Variants in ARHGAP40 observed in about 807,000 individuals in gnomAD.
The protein encoded by ARHGAP40 is rho GTPase-activating protein 40.
A neutral mutation model predicts 73.5 loss-of-function variants in ARHGAP40; 43 were observed. That is an observed-to-expected ratio of 0.58 (90% confidence interval 0.46 to 0.75). ARHGAP40 has a LOEUF of 0.75. Among genes scored for constraint, ARHGAP40 ranks in the 30% least tolerant of loss-of-function variants. The pLI is 0.00. For synonymous variants in ARHGAP40, 300 were observed against 352.8 expected (o/e 0.85, Z 1.68); for missense variants, 734 against 861.8 (o/e 0.85, Z 1.86).
chr20:38,606,495 A>G (rs1883784), intron 1 of ARHGAP40, among the ~76,000 whole-genome samples: 107,329 of 152,070 alleles, frequency 0.71, 39,707 homozygotes, highest in East Asian at 0.86. Context: ...ATTATTGTTC[A>G]TTTTTAGTCT....
chr20:38,627,389 GGT>G (rs750278323), intron 3 of ARHGAP40, among the ~76,000 whole-genome samples, 174 bp downstream of exon 3: 1 of 116,752 alleles, frequency 8.6e-6, no homozygotes. Flanking sequence ...TGTGTGTTGG[GGT>G]GTGTGTGTGT....
intron 1 of ARHGAP40, among the ~76,000 whole-genome samples, chr20:38,606,307 C>T (rs1471138751): frequency 6.6e-6 from 1 of 152,130 alleles, no homozygotes; most frequent in African/African-American, 2.4e-5. Context: ...TGTTCTTGGA[C>T]ATATATCTTT....
At chr20:38,629,675 G>A (rs150376883) in intron 5 of ARHGAP40, 25 bp downstream of exon 5, 30,654 of 1,303,554 alleles carry the variant, frequency 0.024, 391 homozygotes, top group Non-Finnish European at 0.027. Context: ...CACAGGGCTG[G>A]TTGGCTAGGT....
chr20:38,601,891 A>AATGCT lies in ARHGAP40; in HGVS notation c.-52_-51insATGCT. ...TCCCTCTCACATTGCCGATCGAGTC[A>AATGCT]GCCCCACGGCGGCAGCACCACGACC... On this transcript the variant is annotated 5_prime_UTR_variant, in exon 1 of 15. It adds an upstream start codon to the 5' untranslated region. Coordinates refer to ENST00000373345, the Ensembl canonical transcript of ARHGAP40. The AATGCT allele has an allele frequency of 7.8e-7, 1 of 1,286,432 alleles. No individual in the cohort carries two copies. Among genetic ancestry groups the AATGCT allele is most frequent in the East Asian group, 5.6e-5 (1 of 17,934 alleles). 79.7% of individuals were successfully genotyped at this position (1,286,432 alleles called of 1,614,324 possible).
At chr20:38,609,665 G>A (rs771720057) in intron 1 of ARHGAP40, among the ~76,000 whole-genome samples, 5 of 152,230 alleles carry the variant, frequency 3.3e-5, no homozygotes, top group Admixed American at 6.5e-5. Context: ...TGCCTGAGCT[G>A]AGTCCCAAAG....
At chr20:38,615,409 A>G in intron 1 of ARHGAP40, 1 of 727,546 alleles carries the variant, frequency 1.4e-6, no homozygotes, top group South Asian at 1.4e-5. Context: ...GCTCTTGTCC[A>G]GACTGAAGTT....
At chr20:38,621,661 A>G (rs2088874377) in intron 1 of ARHGAP40, among the ~76,000 whole-genome samples, 1 of 152,232 alleles carries the variant, frequency 6.6e-6, no homozygotes, top group Non-Finnish European at 1.5e-5. Flanking sequence ...GGTCGTAGCC[A>G]CAGGAGAATG....
At position 38,608,405 on chromosome 20, in the gene ARHGAP40, G is replaced by A. The variant is rs117090438; in HGVS notation, c.137+6326G>A. ...CTCTAGTTACTACTCTGTCCCCTCG[G>A]GCTGTTTGCCCCATCTTAAGAGGAC... is the stretch of plus-strand genomic sequence containing the variant. On this transcript the variant is annotated intron_variant, in intron 1 of 14. Transcript: ENST00000373345. Among the ~76,000 whole-genome samples, 796 of 152,158 alleles carry A rather than the reference G, an allele frequency of 5.2e-3. 3 individuals carry two copies. The highest frequency in any genetic ancestry group is 8.9e-3 in the Non-Finnish European group (603 of 68,016).
chr20:38,640,893 G>A (rs1255721077), intron 9 of ARHGAP40, among the ~76,000 whole-genome samples: 1 of 152,178 alleles, frequency 6.6e-6, no homozygotes, highest in African/African-American at 2.4e-5. Flanking sequence ...ATGATGCAAT[G>A]ATGCCCATCA....
intron 1 of ARHGAP40, 101 bp downstream of exon 1, chr20:38,602,180 C>A: frequency 8.5e-7 from 1 of 1,181,972 alleles, no homozygotes; most frequent in Non-Finnish European, 1.1e-6. Context: ...GAATCTTCCT[C>A]CATCGTACAG....
exon 15 of ARHGAP40, chr20:38,649,946 G>A (rs2089079063): frequency 1.1e-6 from 1 of 932,330 alleles, no homozygotes. Flanking sequence ...TTCCAGGGGA[G>A]GGTCTGAGTT....
intron 3 of ARHGAP40, among the ~76,000 whole-genome samples, chr20:38,627,461 G>T (rs1417206837): frequency 6.1e-4 from 90 of 148,602 alleles, no homozygotes; most frequent in Non-Finnish European, 1.2e-3. Context: ...GTGTTGGTGT[G>T]TGTGTTTTGG....
At chr20:38,623,582 A>C in intron 2 of ARHGAP40, 24 bp downstream of exon 2, 1 of 1,270,346 alleles carries the variant, frequency 7.9e-7, no homozygotes, top group Non-Finnish European at 1.0e-6. Flanking sequence ...GCGGGGGCCT[A>C]TAGGGGTGGT....
rs545609299 is a variant in ARHGAP40, at chr20:38,623,184, G to A, written c.138-175G>A. On this transcript the variant is annotated intron_variant, in intron 1 of 14. Transcript: ENST00000373345. ...AGCATTGCTGGTTTCCAAGGATCCCGCAGGGGTGATGGGTCACCAGTCAAT... is the reference window on the plus strand; with the variant it reads ...AGCATTGCTGGTTTCCAAGGATCCCACAGGGGTGATGGGTCACCAGTCAAT... Among the ~76,000 whole-genome samples, 7 of 152,288 alleles carry A rather than the reference G, an allele frequency of 4.6e-5. No individual in the cohort carries two copies. In the East Asian group the frequency reaches 5.8e-4, roughly 13 times the overall value.
intron 13 of ARHGAP40, among the ~76,000 whole-genome samples, chr20:38,647,939 C>T (rs1439595730): frequency 6.6e-6 from 1 of 152,228 alleles, no homozygotes; most frequent in African/African-American, 2.4e-5. Flanking sequence ...AGTAAAGGTC[C>T]TGCAGCAAGG....
Position 38,648,678 on chromosome 20 carries a change from AT to A in ARHGAP40, c.1917del (p.Tyr639Ter). The A allele has an allele frequency of 7.7e-7, 1 of 1,305,580 alleles. No homozygotes were observed. Among genetic ancestry groups the A allele is most frequent in the African/African-American group, 1.5e-5 (1 of 65,890 alleles). The allele number at this position is 1,305,580 out of a possible 1,614,324, so 80.9% of individuals were successfully genotyped here. On this transcript the variant is annotated frameshift_variant, in exon 14 of 15. Transcript: ENST00000373345. LOFTEE classifies it high-confidence loss of function. ...ATGGAGTCAGCCAACATCCTCCTCT[AT>A]GAAGTTGGAGGGAATATCAGTAAGT...
intron 5 of ARHGAP40, among the ~76,000 whole-genome samples, chr20:38,633,415 AG>A (rs1173658711): frequency 6.6e-6 from 1 of 152,234 alleles, no homozygotes; most frequent in Admixed American, 6.5e-5. Context: ...TAAACTAAAA[AG>A]TAGTAGTAAG....
chr20:38,615,632 G>A (rs1027978355), intron 1 of ARHGAP40, among the ~76,000 whole-genome samples: 1 of 152,166 alleles, frequency 6.6e-6, no homozygotes, highest in East Asian at 1.9e-4. Context: ...ACTCAGAACC[G>A]GATGTGTCTC....
intron 1 of ARHGAP40, among the ~76,000 whole-genome samples, chr20:38,602,689 T>C (rs564194236): frequency 1.3e-5 from 2 of 152,358 alleles, no homozygotes; most frequent in South Asian, 2.1e-4. Context: ...TTTTGACATA[T>C]ACCTTGGGAG....
Sources: gnomAD v4.1 joint callset for allele counts (sites outside exome capture counted in the v4.1 genomes callset) on GRCh38, gnomAD v4.1.1 for gene constraint, MANE v1.5 for transcripts, NCBI Gene and HGNC (gene_info 2026-07-23, HGNC 2026-07-21) for gene names.